Variants in MIR2052HG observed in about 807,000 individuals in gnomAD.
MIR2052HG encodes MIR2052 host gene.
In MIR2052HG at chr8:74,743,895, A is replaced by T. The variant is rs1764065026; in HGVS notation, n.372-8546A>T. Among the ~76,000 whole-genome samples the T allele has an allele frequency of 1.3e-5, 2 of 152,214 alleles. 1 individual carries two copies. The highest frequency in any genetic ancestry group is 4.1e-4 in the South Asian group (2 of 4,830). ...AATAGATTGCAAACCTCACAAGAAA[A>T]TCACCATGAGCAAGAGTCAGCAGAC... On this transcript the variant is annotated intron_variant and non_coding_transcript_variant, in intron 4 of 6. Coordinates refer to ENST00000523442, the Ensembl canonical transcript of MIR2052HG.
chr8:74,741,480 C>T (rs1437884387), intron 4 of MIR2052HG, among the ~76,000 whole-genome samples: 2 of 152,134 alleles, frequency 1.3e-5, no homozygotes, highest in African/African-American at 4.8e-5. Context: ...ATAACTCTGT[C>T]TACTTCACTT....
At chr8:74,699,711 T>C (rs1453389376) in intron 2 of MIR2052HG, among the ~76,000 whole-genome samples, 3 of 152,008 alleles carry the variant, frequency 2.0e-5, no homozygotes, top group Non-Finnish European at 4.4e-5. Context: ...CACGGGTGCA[T>C]GATAATCTCA....
intron 1 of MIR2052HG, among the ~76,000 whole-genome samples, chr8:74,605,153 G>A (rs1484058107): frequency 6.6e-6 from 1 of 152,060 alleles, no homozygotes; most frequent in Non-Finnish European, 1.5e-5. Context: ...TTAGGACCCC[G>A]CCTTCCTCCC....
intron 4 of MIR2052HG, among the ~76,000 whole-genome samples, chr8:74,717,690 G>A (rs1382085689): frequency 2.0e-5 from 3 of 151,812 alleles, no homozygotes; most frequent in African/African-American, 4.8e-5. Context: ...GCATCGTGGT[G>A]TCTGCTATTC....
chr8:74,671,551 T>C (rs993724166), intron 2 of MIR2052HG, among the ~76,000 whole-genome samples: 2 of 152,146 alleles, frequency 1.3e-5, no homozygotes, highest in Non-Finnish European at 2.9e-5. Flanking sequence ...GATTTTATGT[T>C]CTTTCTCATC....
chr8:74,615,843 T>A (rs1274357129), intron 2 of MIR2052HG, among the ~76,000 whole-genome samples: 1 of 152,120 alleles, frequency 6.6e-6, no homozygotes, highest in Non-Finnish European at 1.5e-5. Flanking sequence ...TTCTCACCTA[T>A]GAGTGAGAAC....
chr8:74,690,453 T>C (rs1443838194), intron 2 of MIR2052HG, among the ~76,000 whole-genome samples: 1 of 151,780 alleles, frequency 6.6e-6, no homozygotes, highest in Non-Finnish European at 1.5e-5. Context: ...TAAAGAGTGT[T>C]AAGCCAGAGG....
intron 4 of MIR2052HG, among the ~76,000 whole-genome samples, chr8:74,730,462 A>C (rs1294134240): frequency 6.6e-6 from 1 of 152,238 alleles, no homozygotes; most frequent in African/African-American, 2.4e-5. Context: ...GACATTGAAC[A>C]TGGAGTTGAC....
At chr8:74,626,186 T>G (rs73337255) in intron 2 of MIR2052HG, among the ~76,000 whole-genome samples, 3,688 of 152,274 alleles carry the variant, frequency 0.024, 135 homozygotes, top group African/African-American at 0.08. Context: ...TGCTGGGTTC[T>G]CCTCCCTTTT....
chr8:74,746,336 G>T (rs1180077896), intron 4 of MIR2052HG, among the ~76,000 whole-genome samples: 3 of 152,044 alleles, frequency 2.0e-5, no homozygotes, highest in African/African-American at 7.3e-5. Flanking sequence ...ATTTCAGTTC[G>T]ACTTAATGCA....
chr8:74,612,111 C>T (rs192687924), intron 1 of MIR2052HG, among the ~76,000 whole-genome samples: 56 of 152,324 alleles, frequency 3.7e-4, no homozygotes, highest in Admixed American at 3.3e-3. Flanking sequence ...GGCCGCATGA[C>T]ACCTTGGGCA....
chr8:74,679,450 G>T (rs2114053), intron 2 of MIR2052HG, among the ~76,000 whole-genome samples: 63,305 of 151,450 alleles, frequency 0.42, 17,483 homozygotes, highest in African/African-American at 0.79. Context: ...CTAAGTAGTA[G>T]TCCATGGTGT....
At chr8:74,747,048 T>A (rs1809895368) in intron 4 of MIR2052HG, among the ~76,000 whole-genome samples, 2 of 152,176 alleles carry the variant, frequency 1.3e-5, no homozygotes, top group Admixed American at 1.3e-4. Context: ...CTAACTCCAT[T>A]AAGAGTCACT....
At chr8:74,629,024 A>G (rs1808474429) in intron 2 of MIR2052HG, 1 of 152,172 alleles carries the variant, frequency 6.6e-6, no homozygotes, top group Non-Finnish European at 1.5e-5. Flanking sequence ...CCTCCAGTTC[A>G]CTGTTTTATT....
At chr8:74,753,887 A>G (rs1364349544) in intron 5 of MIR2052HG, among the ~76,000 whole-genome samples, 1 of 152,192 alleles carries the variant, frequency 6.6e-6, no homozygotes, top group Non-Finnish European at 1.5e-5. Context: ...TATTAACATG[A>G]GAATTGTTAG....
chr8:74,602,805 A>C (rs889013428), intron 1 of MIR2052HG, among the ~76,000 whole-genome samples: 7 of 41,862 alleles, frequency 1.7e-4, no homozygotes, highest in African/African-American at 8.9e-4. Context: ...GTGAGCTGCC[A>C]TGCCCGGCCG....
Position 74,602,865 on chromosome 8 carries a change from C to CTTTCTTTCTTTCTTTCTTTCTT in MIR2052HG, n.128+2968_128+2969insCTTTCTTTCTTTTTCTTTCTTT, listed in dbSNP as rs879678607. 1.5e-3 allele frequency among the ~76,000 whole-genome samples: 212 copies of CTTTCTTTCTTTCTTTCTTTCTT among 142,758 alleles called. 3 individuals are homozygous for CTTTCTTTCTTTCTTTCTTTCTT. The highest frequency in any genetic ancestry group is 1.5e-3 in the Non-Finnish European group (99 of 65,408). The allele number at this position is 142,758 out of a possible 152,430, so 93.7% of individuals were successfully genotyped here. On this transcript the variant is annotated intron_variant and non_coding_transcript_variant, in intron 1 of 6. Coordinates refer to ENST00000523442, the Ensembl canonical transcript of MIR2052HG. ...TCTTTCTTTCTTTCTTTCTTTCTTTCTTTCTTTCTTTTTTCTATTCACAAA... is the reference window on the plus strand; with the variant it reads ...TCTTTCTTTCTTTCTTTCTTTCTTTCTTTCTTTCTTTCTTTCTTTCTTTTTCTTTCTTTTTTCTATTCACAAA...
At chr8:74,725,674 G>A (rs1377707003) in intron 4 of MIR2052HG, among the ~76,000 whole-genome samples, 1 of 152,092 alleles carries the variant, frequency 6.6e-6, no homozygotes, top group Non-Finnish European at 1.5e-5. Flanking sequence ...TTACTAATCT[G>A]GTAAACATTT....
At chr8:74,700,127 A>G (rs570574152) in intron 2 of MIR2052HG, among the ~76,000 whole-genome samples, 4 of 152,318 alleles carry the variant, frequency 2.6e-5, no homozygotes, top group South Asian at 2.1e-4. Context: ...AACTGCCAGT[A>G]TACTACATTA....
Sources: gnomAD v4.1 joint callset for allele counts (sites outside exome capture counted in the v4.1 genomes callset) on GRCh38, gnomAD v4.1.1 for gene constraint, MANE v1.5 for transcripts, NCBI Gene and HGNC (gene_info 2026-07-23, HGNC 2026-07-21) for gene names.